The following NDRG2 variants were observed in gnomAD, a reference collection of about 807,000 sequenced individuals.
The protein encoded by NDRG2 is NDRG family member 2.
NDRG2 carries 34 observed loss-of-function variants against 58.2 expected under a neutral mutation model. The ratio of observed to expected loss-of-function variants is 0.58; its 90% CI spans 0.44 to 0.78. The LOEUF (loss-of-function observed/expected upper bound fraction) is 0.78. NDRG2 is among the 30% of genes least tolerant of loss of function. NDRG2 has a pLI of 0.00. For synonymous variants in NDRG2, 187 were observed against 175.9 expected (o/e 1.06, Z -0.50); for missense variants, 434 against 471.2 (o/e 0.92, Z 0.73).
In NDRG2 at chr14:21,019,937, C is replaced by T. The variant is rs760727322; in HGVS notation, c.595G>A (p.Gly199Arg). 2 of 1,614,034 alleles carry T rather than the reference C, an allele frequency of 1.2e-6. No homozygotes were observed. The highest frequency in any genetic ancestry group is 1.7e-6 in the Non-Finnish European group (2 of 1,180,024). ...LTSSIPEMIL[G>R]HLFSQEELSG... ...CCACTTACCTGGCTGAAAAGATGTC[C>T]AAGGATCATCTCCGGAATGGAAGAG... is the stretch of plus-strand genomic sequence containing the variant. The change falls in exon 9 of 16, where the codon GGA becomes AGA. Residue 199 changes from glycine to arginine, a missense_variant. Physicochemically the swap from Gly to Arg is moderately radical, Grantham distance 125. Transcript: ENST00000556147.
upstream of NDRG2, chr14:21,025,518 G>T: frequency 1.0e-6 from 1 of 985,488 alleles, no homozygotes; most frequent in South Asian, 4.7e-5. The surrounding 1 kb of genome is among the most constrained non-coding windows in gnomAD (Gnocchi z 5.1). Flanking sequence ...CCCGAACACA[G>T]AGAACTAGAT....
chr14:21,033,717 C>A (rs758846882), intron 1 of NDRG2: 1 of 869,106 alleles, frequency 1.2e-6, no homozygotes, highest in Admixed American at 1.7e-5. Context: ...GGGACCCTGC[C>A]TGCCTCGTAA....
intron 1 of NDRG2, among the ~76,000 whole-genome samples, chr14:21,044,458 C>G (rs1296002896): frequency 6.6e-6 from 1 of 152,196 alleles, no homozygotes; most frequent in Non-Finnish European, 1.5e-5. Context: ...TGGCCCTGAG[C>G]CTGCTTGTCA....
rs1267297608 is a variant in NDRG2, at chr14:21,059,036, G to C, written c.24+11792C>G. The stretch of plus-strand genomic sequence containing the variant: ...GAAGCTGGCTTGATTCTGTCCTCCA[G>C]CCCCTTGAGGGCTCTCTGGTGGCCC... On this transcript the variant is annotated intron_variant, in intron 1 of 14. Transcript: ENST00000403829. Among the ~76,000 whole-genome samples the C allele has an allele frequency of 7.9e-5, 12 of 152,380 alleles. No individual in the cohort carries two copies. The East Asian group carries it at 2.3e-3, about 29-fold the overall frequency.
chr14:21,044,474 A>G (rs997978079), intron 1 of NDRG2, among the ~76,000 whole-genome samples: 10 of 152,194 alleles, frequency 6.6e-5, no homozygotes, highest in South Asian at 2.1e-4. Flanking sequence ...TGTCACAAAC[A>G]GGCTGGTGGG....
chr14:21,040,828 C>A (rs146972532), intron 1 of NDRG2, among the ~76,000 whole-genome samples: 1 of 152,146 alleles, frequency 6.6e-6, no homozygotes, highest in Non-Finnish European at 1.5e-5. Flanking sequence ...AACGATGTTA[C>A]GTAAAATTAC....
At chr14:21,048,640 T>C (rs1380720672) in intron 1 of NDRG2, 1 of 152,232 alleles carries the variant, frequency 6.6e-6, no homozygotes, top group African/African-American at 2.4e-5. Context: ...GAGTATAATG[T>C]GGATTAAAAG....
intron 1 of NDRG2, among the ~76,000 whole-genome samples, chr14:21,047,982 G>C (rs1409367615): frequency 2.6e-5 from 4 of 152,118 alleles, no homozygotes; most frequent in Non-Finnish European, 5.9e-5. Context: ...TTAAGATCAG[G>C]ACCCTTTGGC....
rs1442614505 is a variant in NDRG2, at chr14:21,024,922, C to T, written c.-899G>A. On this transcript the variant is annotated 5_prime_UTR_variant, in exon 1 of 16. Transcript: ENST00000556147. ...ACCGAGCGCCCGCTCCGTGCTGGCC[C>T]TTTCCCCCGAGCCTCCAGCTCCAGG... is the stretch of plus-strand genomic sequence containing the variant. 1 of 985,668 alleles carries T rather than the reference C, an allele frequency of 1.0e-6. No individual in the cohort carries two copies. Among genetic ancestry groups the T allele is most frequent in the Non-Finnish European group, 1.2e-6 (1 of 830,122 alleles). The allele number at this position is 985,668 out of a possible 1,614,324, so 61.1% of individuals were successfully genotyped here.
rs765903094 is a variant in NDRG2 at position 21,018,460 on chromosome 14, G to A, written c.858C>T (p.Leu286=). The A allele has an allele frequency of 1.6e-5, 26 of 1,613,924 alleles. 1 individual carries two copies. The highest frequency in any genetic ancestry group is 8.8e-5 in the South Asian group (8 of 91,042). ...GGCCCAGGAACAGGTTACTGACCTT[G>A]AGGAACGAGGTCTGGGTGGGGTCCA... ...SKLDPTQTSF[L]KMADSGGQPQ... is the part of the protein sequence containing the mutation. The change falls in exon 13 of 16, where the codon CTC becomes CTT. Residue 286 remains leucine, a synonymous_variant. Coordinates refer to ENST00000556147, the MANE Select transcript of NDRG2 (RefSeq NM_001320329.2).
chr14:21,022,227 C>T, intron 4 of NDRG2, 45 bp from the exon 5 acceptor site: 1 of 1,613,830 alleles, frequency 6.2e-7, no homozygotes. Flanking sequence ...CAGACAGGGA[C>T]TCGTGTCCCC....
At chr14:21,055,146 G>A (rs896628473) in intron 1 of NDRG2, among the ~76,000 whole-genome samples, 1 of 152,138 alleles carries the variant, frequency 6.6e-6, no homozygotes, top group South Asian at 2.1e-4. Context: ...GATTTTTAAA[G>A]TTTTACTTTT....
Position 21,036,513 on chromosome 14 carries a change from C to T in NDRG2, c.25-13192G>A, listed in dbSNP as rs573517686. Among the ~76,000 whole-genome samples the T allele has an allele frequency of 6.6e-5, 10 of 152,274 alleles. No homozygotes were observed. In the South Asian group the frequency reaches 1.0e-3, roughly 16 times the overall value. Reference sequence around the variant, plus strand: ...GGGCTGCATTCAAAGCCATCCTGGGCCACATGTGACCCGCGGGCCATGGGT... The same window carrying T: ...GGGCTGCATTCAAAGCCATCCTGGGTCACATGTGACCCGCGGGCCATGGGT... On this transcript the variant is annotated intron_variant, in intron 1 of 14. Transcript: ENST00000403829.
chr14:21,046,136 G>C (rs946293413), intron 1 of NDRG2, among the ~76,000 whole-genome samples: 2 of 152,012 alleles, frequency 1.3e-5, no homozygotes, highest in Non-Finnish European at 2.9e-5. Flanking sequence ...TTAAATCATA[G>C]ATAGAATTAT....
intron 1 of NDRG2, chr14:21,032,561 A>C (rs1884295440): frequency 2.9e-6 from 1 of 347,208 alleles, no homozygotes; most frequent in Non-Finnish European, 5.6e-6. Flanking sequence ...GGAGGAGTAG[A>C]AGCCAGCTAA....
chr14:21,038,349 G>T (rs1463578775), intron 1 of NDRG2, among the ~76,000 whole-genome samples: 1 of 152,180 alleles, frequency 6.6e-6, no homozygotes, highest in Non-Finnish European at 1.5e-5. Context: ...CATCTTGTGG[G>T]AATTGACAGT....
intron 1 of NDRG2, among the ~76,000 whole-genome samples, chr14:21,046,057 A>G (rs971046825): frequency 6.6e-6 from 1 of 152,232 alleles, no homozygotes; most frequent in Non-Finnish European, 1.5e-5. Context: ...TCAAATATGT[A>G]TACTTCTTAA....
At chr14:21,019,249 T>C (rs1878711451) in intron 10 of NDRG2, 89 bp from the exon 11 acceptor site, 3 of 1,272,060 alleles carry the variant, frequency 2.4e-6, no homozygotes, top group Non-Finnish European at 3.3e-6. Context: ...GAACTATCTT[T>C]GTCTAAAAAT....
intron 1 of NDRG2, among the ~76,000 whole-genome samples, chr14:21,038,450 A>AT (rs1264307899): frequency 6.6e-6 from 1 of 152,236 alleles, no homozygotes; most frequent in Non-Finnish European, 1.5e-5. Flanking sequence ...TGCTGTAGGA[A>AT]TTTAGAGGTG....
Sources: allele counts gnomAD v4.1 joint callset (sites outside exome capture counted in the v4.1 genomes callset), GRCh38; gene constraint gnomAD v4.1.1; non-coding constraint Gnocchi (gnomAD v3.1); transcripts MANE v1.5; gene names NCBI Gene and HGNC (gene_info 2026-07-23, HGNC 2026-07-21).